UBR1: variants seen among roughly 807,000 people sequenced by gnomAD.
UBR1 encodes E3 ubiquitin-protein ligase UBR1.
A neutral mutation model predicts 242.1 loss-of-function variants in UBR1; 102 were observed. That is an observed-to-expected ratio of 0.42 (90% CI 0.36 to 0.50). The LOEUF is 0.50. Among genes scored for constraint, UBR1 ranks in the 20% least tolerant of loss-of-function variants. The probability of loss-of-function intolerance (pLI) is 0.01; values close to 1 mark genes in which losing one functional copy is unlikely to be tolerated. For synonymous variants in UBR1, 675 were observed against 684.8 expected (o/e 0.99, Z 0.22); for missense variants, 1,772 against 2,101.8 (o/e 0.84, Z 3.07).
Position 43,030,069 on chromosome 15 carries a change from C to G in UBR1, c.2255-1G>C. The G allele has an allele frequency of 6.2e-7, 1 of 1,613,412 alleles. No individual in the cohort carries two copies. The highest frequency in any genetic ancestry group is 8.5e-7 in the Non-Finnish European group (1 of 1,179,794). On this transcript the variant is annotated splice_acceptor_variant, in intron 20 of 46. Coordinates refer to ENST00000290650, the MANE Select transcript of UBR1 (RefSeq NM_174916.3). LOFTEE classifies it high-confidence loss of function. ...CCCACTCCAGGTACATAACGCTCACCTAGTTCAAATAATTAAAAACAAAAA... is the reference window on the plus strand; with the variant it reads ...CCCACTCCAGGTACATAACGCTCACGTAGTTCAAATAATTAAAAACAAAAA...
At chr15:42,950,146 C>A in intron 46 of UBR1, 116 bp downstream of exon 46, 1 of 1,021,676 alleles carries the variant, frequency 9.8e-7, no homozygotes, top group Non-Finnish European at 1.5e-6. Flanking sequence ...GCCTCAATTA[C>A]CTTTTGTGAT....
At chr15:43,014,806 C>T (rs1199235079) in intron 29 of UBR1, among the ~76,000 whole-genome samples, 4 of 149,714 alleles carry the variant, frequency 2.7e-5, no homozygotes, top group East Asian at 2.0e-4. Flanking sequence ...AGCCCCTGCC[C>T]GGCCAGCCGC....
At chr15:43,088,924 G>A (rs1308013109) in intron 1 of UBR1, among the ~76,000 whole-genome samples, 1 of 152,046 alleles carries the variant, frequency 6.6e-6, no homozygotes, top group East Asian at 1.9e-4. Flanking sequence ...CACTTTGGGA[G>A]GCCGAGGCGG....
chr15:43,056,302 A>G, intron 11 of UBR1, 42 bp downstream of exon 11: 1 of 1,422,066 alleles, frequency 7.0e-7, no homozygotes, highest in Non-Finnish European at 9.9e-7. Context: ...AAGCAAAACA[A>G]GTTTTACTTA....
intron 22 of UBR1, among the ~76,000 whole-genome samples, chr15:43,027,178 C>G (rs184095602): frequency 2.0e-4 from 30 of 152,110 alleles, no homozygotes; most frequent in African/African-American, 7.0e-4. Flanking sequence ...CATTAAACAG[C>G]TTTTGGTTTC....
chr15:43,071,701 C>G (rs1374509959), intron 4 of UBR1, among the ~76,000 whole-genome samples: 1 of 152,104 alleles, frequency 6.6e-6, no homozygotes, highest in East Asian at 1.9e-4. Context: ...TGACTAAAAT[C>G]TGGGTCTTTT....
intron 37 of UBR1, among the ~76,000 whole-genome samples, chr15:42,979,463 T>C (rs2032343088): frequency 6.6e-6 from 1 of 152,214 alleles, no homozygotes; most frequent in Admixed American, 6.5e-5. Flanking sequence ...CTACTGGTCA[T>C]GGGCAAGTGA....
chr15:42,978,708 G>A (rs1379874690), intron 37 of UBR1, among the ~76,000 whole-genome samples: 2 of 151,340 alleles, frequency 1.3e-5, no homozygotes, highest in Non-Finnish European at 2.9e-5. Flanking sequence ...TTTCAGACTA[G>A]GTAAATTTCT....
intron 21 of UBR1, among the ~76,000 whole-genome samples, chr15:43,029,606 T>C (rs888296283): frequency 6.6e-6 from 1 of 152,212 alleles, no homozygotes; most frequent in Non-Finnish European, 1.5e-5. Context: ...CATTCCCAGA[T>C]CCCTTACCAT....
intron 1 of UBR1, among the ~76,000 whole-genome samples, chr15:43,092,399 C>T (rs1386214045): frequency 6.6e-6 from 1 of 152,168 alleles, no homozygotes; most frequent in Non-Finnish European, 1.5e-5. Flanking sequence ...TGTAAGCTCC[C>T]TGAGGAGAGG....
At chr15:43,104,770 C>A (rs2034277257) in intron 1 of UBR1, among the ~76,000 whole-genome samples, 2 of 151,906 alleles carry the variant, frequency 1.3e-5, no homozygotes, top group African/African-American at 2.4e-5. Context: ...GATGCCGAGG[C>A]AGGTGGATCA....
chr15:42,994,879 C>T (rs2032612010), intron 33 of UBR1, among the ~76,000 whole-genome samples: 1 of 152,192 alleles, frequency 6.6e-6, no homozygotes, highest in African/African-American at 2.4e-5. Context: ...TGCAATCTAT[C>T]TGCGGCACCA....
At chr15:43,074,945 T>C in intron 4 of UBR1, 34 bp downstream of exon 4, 1 of 1,497,198 alleles carries the variant, frequency 6.7e-7, no homozygotes. Flanking sequence ...AAACTTAAAA[T>C]AGTTAACAAT....
At chr15:43,084,647 G>T (rs1014615551) in intron 2 of UBR1, among the ~76,000 whole-genome samples, 24 of 152,228 alleles carry the variant, frequency 1.6e-4, no homozygotes, top group African/African-American at 3.9e-4. Flanking sequence ...GCAGAGACGG[G>T]GTTTCCCATC....
chr15:43,065,976 T>A (rs1035403470), intron 6 of UBR1, among the ~76,000 whole-genome samples: 9 of 152,226 alleles, frequency 5.9e-5, no homozygotes, highest in African/African-American at 2.2e-4. Flanking sequence ...TTTAATTAGA[T>A]CCCATTTACT....
At chr15:43,092,720 A>T (rs1470330893) in intron 1 of UBR1, among the ~76,000 whole-genome samples, 2 of 152,038 alleles carry the variant, frequency 1.3e-5, no homozygotes, top group African/African-American at 4.8e-5. Flanking sequence ...CAACCAGCTA[A>T]TTTTTGTATT....
At chr15:43,104,449 A>G (rs2034272981) in intron 1 of UBR1, among the ~76,000 whole-genome samples, 1 of 152,134 alleles carries the variant, frequency 6.6e-6, no homozygotes, top group Non-Finnish European at 1.5e-5. Flanking sequence ...CTACCTCCTC[A>G]TTCCTTATCA....
intron 37 of UBR1, among the ~76,000 whole-genome samples, chr15:42,980,435 C>T (rs1239347891): frequency 6.6e-6 from 1 of 152,126 alleles, no homozygotes; most frequent in Non-Finnish European, 1.5e-5. Flanking sequence ...GTTTTATTAC[C>T]ATGGGCAAGT....
At chr15:43,068,089 T>TAAAAAAAA in intron 5 of UBR1, 53 bp from the exon 6 acceptor site, 3 of 787,320 alleles carry the variant, frequency 3.8e-6, no homozygotes, top group East Asian at 3.9e-5. Context: ...AAAGGAAAAG[T>TAAAAAAAA]AAAAAAAAAA....
Sources: gnomAD v4.1 joint callset for allele counts (sites outside exome capture counted in the v4.1 genomes callset) on GRCh38, gnomAD v4.1.1 for gene constraint, MANE v1.5 for transcripts, NCBI Gene and HGNC (gene_info 2026-07-23, HGNC 2026-07-21) for gene names.